The following DNAH2 variants were observed in gnomAD, a reference collection of about 807,000 sequenced individuals.
The protein encoded by DNAH2 is axonemal beta dynein heavy chain 2.
A neutral mutation model predicts 523.5 loss-of-function variants in DNAH2; 323 were observed. That is an observed-to-expected ratio of 0.62 (90% CI 0.56 to 0.68). The LOEUF is 0.68. DNAH2 is among the 30% of genes least tolerant of loss of function. DNAH2 has a pLI of 0.00. For missense variants in DNAH2, 4,907 were observed against 5,701.5 expected (o/e 0.86, Z 4.49); for synonymous variants, 2,093 against 2,177.4 (o/e 0.96, Z 1.08).
chr17:7,770,978 CCTT>C (rs767035748), intron 27 of DNAH2, 45 bp downstream of exon 27: 4 of 1,591,118 alleles, frequency 2.5e-6, no homozygotes, highest in Admixed American at 3.5e-5. Flanking sequence ...TGCTCTTACT[CCTT>C]CTTTTTCTTA....
chr17:7,778,871 G>A (rs542944471), intron 35 of DNAH2, among the ~76,000 whole-genome samples: 93 of 152,256 alleles, frequency 6.1e-4, no homozygotes, highest in African/African-American at 1.7e-3. Context: ...GCCCAGCCAC[G>A]TATAATTCTT....
intron 18 of DNAH2, among the ~76,000 whole-genome samples, chr17:7,761,654 T>G (rs1392137453): frequency 1.3e-5 from 2 of 152,036 alleles, no homozygotes; most frequent in Non-Finnish European, 2.9e-5. Context: ...CTGGCTAATT[T>G]TTGTATTTTT....
chr17:7,818,623 G>T lies in DNAH2; in HGVS notation c.10537-20G>T, dbSNP rs772987813. On this transcript the variant is annotated intron_variant, in intron 69 of 85. Transcript: ENST00000572933. Reference sequence around the variant, plus strand: ...GTCGAAGGAGTGACAGCCCCTCACTGTGAGTCCTGATGCCCCCAGGGCCTG... The same window carrying T: ...GTCGAAGGAGTGACAGCCCCTCACTTTGAGTCCTGATGCCCCCAGGGCCTG... The T allele has an allele frequency of 6.2e-7, 1 of 1,613,432 alleles. No homozygotes were observed.
At chr17:7,739,627 C>G in intron 8 of DNAH2, 106 bp from the exon 9 acceptor site, 1 of 962,606 alleles carries the variant, frequency 1.0e-6, no homozygotes, top group South Asian at 1.6e-5. Context: ...TTTTCACTTG[C>G]CATCACTCAC....
In DNAH2 at chr17:7,831,778, A is replaced by C; in HGVS notation, c.12726+3A>C. ...ATGTTCCTCCGCTCTGGGGAAAGGC[A>C]AGATTATACCATTGTTGATCCTTCT... On this transcript the variant is annotated splice_donor_region_variant and intron_variant, in intron 82 of 85. Coordinates refer to ENST00000572933, the MANE Select transcript of DNAH2 (RefSeq NM_020877.5). The surrounding 1 kb of genome is among the most constrained non-coding windows in gnomAD (Gnocchi z 4.2). 6.2e-7 allele frequency: 1 copy of C among 1,611,032 alleles called. No individual in the cohort carries two copies. The highest frequency in any genetic ancestry group is 8.5e-7 in the Non-Finnish European group (1 of 1,177,472).
rs76939419 is a variant in DNAH2 at position 7,832,960 on chromosome 17, A to G, written c.12978+32A>G. The G allele has an allele frequency of 1.1e-3, 1,849 of 1,614,094 alleles. 18 individuals carry two copies. The African/African-American group carries it at 0.022, about 19-fold the overall frequency. ...GCCAGTTGTGCTTGGGGCTCTGAGC[A>G]AAAGAGGGTACTGGAAATAATTGGA... On this transcript the variant is annotated intron_variant, in intron 84 of 85. Transcript: ENST00000572933. The surrounding 1 kb of genome is among the most constrained non-coding windows in gnomAD (Gnocchi z 4.3).
intron 12 of DNAH2, among the ~76,000 whole-genome samples, chr17:7,752,596 G>C (rs1176229459): frequency 6.6e-6 from 1 of 152,084 alleles, no homozygotes; most frequent in Non-Finnish European, 1.5e-5. Flanking sequence ...TGTAGTCCCA[G>C]CTACTCAGGA....
Position 7,804,355 on chromosome 17 carries a change from G to A in DNAH2, c.9072G>A (p.Met3024Ile), listed in dbSNP as rs920929353. 1 of 1,614,184 alleles carries A rather than the reference G, an allele frequency of 6.2e-7. No individual in the cohort carries two copies. The highest frequency in any genetic ancestry group is 1.3e-5 in the African/African-American group (1 of 75,042). The change falls in exon 59 of 86, where the codon ATG becomes ATA. Residue 3024 changes from methionine to isoleucine, a missense_variant. Coordinates refer to ENST00000572933, the MANE Select transcript of DNAH2 (RefSeq NM_020877.5). Reference sequence around the variant, plus strand: ...AAACTAGGGAAAAGGTGCAAGTGATGTCGTTGGAGCTGGAGGATGCCAAGA... The same window carrying A: ...AAACTAGGGAAAAGGTGCAAGTGATATCGTTGGAGCTGGAGGATGCCAAGA... ...IDETREKVQV[M>I]SLELEDAKKK...
In DNAH2 at chr17:7,763,837, G is replaced by A. The variant is rs140191950; in HGVS notation, c.2985G>A (p.Thr995=). ...GGATCTGGGGCTCTTGCAGCTACAC[G>A]GAAGTTGCTAATAACGTGCAGAAGG... ...SSFVADIARY[T]EVANNVQKEE... The change falls in exon 19 of 86, where the codon ACG becomes ACA. Residue 995 remains threonine (T), a synonymous_variant. Coordinates refer to ENST00000572933, the MANE Select transcript of DNAH2 (RefSeq NM_020877.5). The A allele has an allele frequency of 8.2e-5, 133 of 1,613,954 alleles. No homozygotes were observed. The African/African-American group carries it at 1.6e-3, about 20-fold the overall frequency.
rs2078214434 is a variant in DNAH2 at position 7,832,612 on chromosome 17, A to G, written c.12760A>G (p.Thr4254Ala). ...CTCACAAAAGCCATTGGCTGCCTGG[A>G]CCCGGGACTTGGCCATGCGTGTGGA... ...YPSQKPLAAW[T>A]RDLAMRVEQF... Residue 4254 changes from threonine (T) to alanine (A), a missense_variant, in exon 83 of 86, where the codon ACC becomes GCC. Physicochemically the swap from Thr to Ala is moderately conservative, Grantham distance 58 (BLOSUM62 0). Around this residue, in one of 3 missense-constraint regions of DNAH2, gnomAD observed 1,851 missense variants for 2,139.4 expected, o/e 0.87. Transcript: ENST00000572933. The surrounding 1 kb of genome is among the most constrained non-coding windows in gnomAD (Gnocchi z 4.3). The G allele has an allele frequency of 6.2e-7, 1 of 1,614,128 alleles. No homozygotes were observed. Among genetic ancestry groups the G allele is most frequent in the Non-Finnish European group, 8.5e-7 (1 of 1,180,026 alleles).
Position 7,798,679 on chromosome 17 carries a change from C to T in DNAH2, c.8520C>T (p.Gly2840=), listed in dbSNP as rs751606263. 7 of 1,613,998 alleles carry T rather than the reference C, an allele frequency of 4.3e-6. No individual in the cohort carries two copies. Among genetic ancestry groups the T allele is most frequent in the Non-Finnish European group, 5.9e-6 (7 of 1,180,016 alleles). The change falls in exon 55 of 86, where the codon GGC becomes GGT. Residue 2840 remains glycine, a synonymous_variant. Coordinates refer to ENST00000572933, the MANE Select transcript of DNAH2 (RefSeq NM_020877.5). The surrounding 1 kb of genome is among the most constrained non-coding windows in gnomAD (Gnocchi z 5.5). ...ACATCAACAACATCCTCAGCTCAGG[C>T]GAGGTGCCCAATCTCTACAAGCCTG... The part of the protein sequence containing the change: ...LEDINNILSS[G]EVPNLYKPDE...
At chr17:7,815,176 G>A (rs902792759) in intron 63 of DNAH2, among the ~76,000 whole-genome samples, 15 of 152,206 alleles carry the variant, frequency 9.9e-5, no homozygotes, top group Admixed American at 4.6e-4. Context: ...AAGTGCTTGG[G>A]TCAGGTAGTG....
intron 1 of DNAH2, 53 bp from the exon 2 acceptor site, chr17:7,719,668 C>A (rs2074535715): frequency 1.2e-6 from 2 of 1,601,362 alleles, no homozygotes. Context: ...TATCAGGGGG[C>A]TGGTTCAGGG....
At chr17:7,764,706 C>T (rs1189563930) in intron 20 of DNAH2, among the ~76,000 whole-genome samples, 1 of 150,814 alleles carries the variant, frequency 6.6e-6, no homozygotes, top group Admixed American at 6.6e-5. Context: ...AAGCAATCTG[C>T]TGACCTCGGC....
chr17:7,735,372 C>T (rs909965255), intron 7 of DNAH2, among the ~76,000 whole-genome samples: 4 of 152,220 alleles, frequency 2.6e-5, no homozygotes, highest in Non-Finnish European at 4.4e-5. Flanking sequence ...CTCGGTGATC[C>T]ACCCACCTTG....
chr17:7,792,700 C>A lies in DNAH2; in HGVS notation c.7189C>A (p.Arg2397Ser), dbSNP rs769442295. The change falls in exon 47 of 86, where the codon CGC (arginine) becomes AGC (serine). Residue 2397 changes from arginine (R) to serine (S), a missense_variant. By Grantham distance (110) the Arg-to-Ser change is moderately radical (BLOSUM62 -1). This residue lies in a region of DNAH2 where 2,806 missense variants were observed against 3,190.8 expected (regional missense o/e 0.88). Coordinates refer to ENST00000572933, the MANE Select transcript of DNAH2 (RefSeq NM_020877.5). ...CATGGTGCCCACCGTCGACACTGTT[C>A]GCTACAACTACCTGGTGAGCAGCTT... ...KIMVPTVDTV[R>S]YNYLVSSLVA... is the part of the protein sequence containing the mutation. 1 of 1,614,032 alleles carries A rather than the reference C, an allele frequency of 6.2e-7. No homozygotes were observed. The highest frequency in any genetic ancestry group is 1.3e-5 in the African/African-American group (1 of 74,916).
At chr17:7,772,981 T>A (rs990928070) in intron 28 of DNAH2, among the ~76,000 whole-genome samples, 1 of 151,338 alleles carries the variant, frequency 6.6e-6, no homozygotes, top group African/African-American at 2.4e-5. Context: ...ACCATGTTGG[T>A]CAGGCTGGTC....
rs1250039966 is a variant in DNAH2 at position 7,733,258 on chromosome 17, G to C, written c.571G>C (p.Glu191Gln). ...GATCTTTGCAAACACAGGCTGGCCTGAGAGCATTAGAAATCATTTTGCTTC... is the reference window on the plus strand; with the variant it reads ...GATCTTTGCAAACACAGGCTGGCCTCAGAGCATTAGAAATCATTTTGCTTC... ...PQIFANTGWP[E>Q]SIRNHFASHL... The change falls in exon 5 of 86, where the codon GAG becomes CAG. Residue 191 changes from glutamate (E) to glutamine (Q), a missense_variant. Physicochemically the swap from Glu to Gln is conservative, Grantham distance 29. Around this residue, in one of 3 missense-constraint regions of DNAH2, gnomAD observed 2,806 missense variants for 3,190.8 expected, o/e 0.88. Coordinates refer to ENST00000572933, the MANE Select transcript of DNAH2 (RefSeq NM_020877.5). The C allele has an allele frequency of 7.4e-6, 12 of 1,614,068 alleles. No homozygotes were observed. Among genetic ancestry groups the C allele is most frequent in the Admixed American group, 6.7e-5 (4 of 60,004 alleles).
chr17:7,822,224 G>A (rs2077875495), intron 73 of DNAH2, among the ~76,000 whole-genome samples: 1 of 152,196 alleles, frequency 6.6e-6, no homozygotes, highest in Non-Finnish European at 1.5e-5. Flanking sequence ...TCCCACCTCA[G>A]CCTCCCAAAG....
Sources: gnomAD v4.1 joint callset for allele counts (sites outside exome capture counted in the v4.1 genomes callset) on GRCh38, gnomAD v4.1.1 for gene constraint, gnomAD v4.1.1 regional missense constraint, Gnocchi (gnomAD v3.1) non-coding constraint, MANE v1.5 for transcripts, NCBI Gene and HGNC (gene_info 2026-07-23, HGNC 2026-07-21) for gene names.